Variants in ASTN2 observed in about 807,000 individuals in gnomAD.
The protein encoded by ASTN2 is astrotactin-2.
A neutral mutation model predicts 139.8 loss-of-function variants in ASTN2; 54 were observed. That is an observed-to-expected ratio of 0.39 (90% confidence interval 0.31 to 0.48). The LOEUF is 0.48. Among genes scored for constraint, ASTN2 ranks in the 20% least tolerant of loss-of-function variants. The probability of loss-of-function intolerance (pLI) is 0.95; values close to 1 mark genes in which losing one functional copy is unlikely to be tolerated. For synonymous variants in ASTN2, 756 were observed against 719.5 expected (o/e 1.05, Z -0.81); for missense variants, 1,565 against 1,725.1 (o/e 0.91, Z 1.64).
At chr9:117,050,934 G>A (rs192355662) in intron 5 of ASTN2, among the ~76,000 whole-genome samples, 1 of 152,134 alleles carries the variant, frequency 6.6e-6, no homozygotes, top group East Asian at 1.9e-4. Flanking sequence ...TCCCCCATAT[G>A]TTGTCCTTTC....
chr9:116,610,466 T>G (rs1391780547), intron 19 of ASTN2, among the ~76,000 whole-genome samples: 1 of 151,706 alleles, frequency 6.6e-6, no homozygotes, highest in Non-Finnish European at 1.5e-5. Context: ...TTAGCTGGGG[T>G]GGTGGCGGGT....
chr9:117,036,419 C>A (rs1280623563), intron 6 of ASTN2, among the ~76,000 whole-genome samples: 1 of 152,166 alleles, frequency 6.6e-6, no homozygotes, highest in African/African-American at 2.4e-5. Context: ...GATGCTCTGG[C>A]ATCTGAGCCT....
At chr9:116,923,339 A>T (rs189546842) in intron 10 of ASTN2, among the ~76,000 whole-genome samples, 80 of 152,218 alleles carry the variant, frequency 5.3e-4, no homozygotes, top group African/African-American at 1.8e-3. Context: ...CTTCGCCCCC[A>T]GGTTTGGGTT....
rs567913198 is a variant in ASTN2, at chr9:116,699,910, A to T, written c.2806+25861T>A. 1 of 700,104 alleles carries T rather than the reference A, an allele frequency of 1.4e-6. No homozygotes were observed. Among genetic ancestry groups the T allele is most frequent in the African/African-American group, 1.8e-5 (1 of 55,488 alleles). The allele number at this position is 700,104 out of a possible 1,614,324, so 43.4% of individuals were successfully genotyped here. A position where few individuals can be genotyped will look rare whatever the true frequency, so the allele number is the denominator to read the frequency against. ...CCACCTAAATTTAGAGCTTTAAAAG[A>T]TGCACTGCCCAAATAGGACACACGA... On this transcript the variant is annotated intron_variant, in intron 16 of 22. Coordinates refer to ENST00000313400, the MANE Select transcript of ASTN2 (RefSeq NM_001365068.1). This position sits in a 1 kb window ranked among gnomAD's most constrained non-coding sequence, Gnocchi z 4.2.
At chr9:116,496,566 AC>A (rs1283443933) in intron 19 of ASTN2, among the ~76,000 whole-genome samples, 1 of 152,022 alleles carries the variant, frequency 6.6e-6, no homozygotes, top group Non-Finnish European at 1.5e-5. Context: ...GGAACAAGAT[AC>A]CCCCCAGAAC....
intron 3 of ASTN2, among the ~76,000 whole-genome samples, chr9:117,147,598 G>T (rs981517373): frequency 3.3e-5 from 5 of 152,256 alleles, no homozygotes; most frequent in Admixed American, 6.5e-5. Flanking sequence ...TCATCAGTCT[G>T]TGACATAAGA....
At chr9:116,486,719 G>A (rs1383566056) in intron 20 of ASTN2, among the ~76,000 whole-genome samples, 2 of 152,086 alleles carry the variant, frequency 1.3e-5, no homozygotes, top group African/African-American at 4.8e-5. Context: ...ACTCATTGAG[G>A]TAGGAAATAA....
intron 1 of ASTN2, among the ~76,000 whole-genome samples, chr9:117,293,821 G>A (rs1021574568): frequency 6.6e-6 from 1 of 152,168 alleles, no homozygotes; most frequent in African/African-American, 2.4e-5. Context: ...AGAGGTCCAG[G>A]GAACCCAGGG....
intron 17 of ASTN2, among the ~76,000 whole-genome samples, chr9:116,622,717 T>A (rs1351874096): frequency 1.3e-5 from 2 of 152,212 alleles, no homozygotes; most frequent in African/African-American, 4.8e-5. Context: ...CACAAGGTGC[T>A]CAGTTAAATT....
chr9:117,271,369 C>A (rs1834059336), intron 2 of ASTN2, among the ~76,000 whole-genome samples: 1 of 152,326 alleles, frequency 6.6e-6, no homozygotes. Context: ...GGTGCTCCCA[C>A]AACATGTGGG....
At chr9:116,599,525 C>T (rs957304192) in intron 19 of ASTN2, among the ~76,000 whole-genome samples, 1 of 152,078 alleles carries the variant, frequency 6.6e-6, no homozygotes, top group African/African-American at 2.4e-5. Context: ...GAAGCACCTG[C>T]GTTTAGTTCT....
chr9:116,880,086 C>T (rs1458375741), intron 10 of ASTN2, among the ~76,000 whole-genome samples: 2 of 151,748 alleles, frequency 1.3e-5, no homozygotes, highest in Non-Finnish European at 2.9e-5. Context: ...AATAATGAGC[C>T]AAAAATATAT....
At chr9:116,607,159 C>G (rs1055204216) in intron 19 of ASTN2, among the ~76,000 whole-genome samples, 2 of 152,084 alleles carry the variant, frequency 1.3e-5, no homozygotes, top group African/African-American at 4.8e-5. Flanking sequence ...TACAGAAGAC[C>G]CCATAAAACT....
intron 1 of ASTN2, among the ~76,000 whole-genome samples, chr9:117,387,625 CAAAGAATCACAG>C (rs1830433048): frequency 6.6e-6 from 1 of 152,096 alleles, no homozygotes; most frequent in Non-Finnish European, 1.5e-5. Flanking sequence ...GATGGAAAAG[CAAAGAATCACAG>C]GGAGAATGGC....
At chr9:117,399,482 C>A (rs1830765895) in intron 1 of ASTN2, among the ~76,000 whole-genome samples, 1 of 152,100 alleles carries the variant, frequency 6.6e-6, no homozygotes, top group African/African-American at 2.4e-5. Flanking sequence ...AAGTATTGAA[C>A]CAGAGATGAA....
intron 6 of ASTN2, 85 bp downstream of exon 6, chr9:117,039,734 G>T: frequency 7.1e-7 from 1 of 1,409,446 alleles, no homozygotes; most frequent in Non-Finnish European, 9.4e-7. Flanking sequence ...TAATTCTAAG[G>T]TTTGGCCATA....
At chr9:116,620,065 A>C (rs1031375349) in intron 18 of ASTN2, among the ~76,000 whole-genome samples, 2 of 152,118 alleles carry the variant, frequency 1.3e-5, no homozygotes, top group Non-Finnish European at 2.9e-5. Flanking sequence ...CTGAAGGAAG[A>C]AATGATGAAC....
chr9:116,899,781 C>A (rs546955935), intron 10 of ASTN2, among the ~76,000 whole-genome samples: 63 of 152,254 alleles, frequency 4.1e-4, no homozygotes, highest in African/African-American at 1.5e-3. Flanking sequence ...GTCATGCAGC[C>A]AGAGATCACA....
chr9:117,033,083 C>A (rs1434340740), intron 6 of ASTN2, among the ~76,000 whole-genome samples: 1 of 152,136 alleles, frequency 6.6e-6, no homozygotes, highest in African/African-American at 2.4e-5. Flanking sequence ...ATTTCTGAGC[C>A]TACGCAAAGA....
Sources: gnomAD v4.1 joint callset for allele counts (sites outside exome capture counted in the v4.1 genomes callset) on GRCh38, gnomAD v4.1.1 for gene constraint, Gnocchi (gnomAD v3.1) non-coding constraint, MANE v1.5 for transcripts, NCBI Gene and HGNC (gene_info 2026-07-23, HGNC 2026-07-21) for gene names.